Variants in SULT2B1 observed in about 807,000 individuals in gnomAD.
SULT2B1 encodes the protein sulfotransferase family 2B member 1, also known as sulfotransferase 2B1.
Under a neutral mutation model 33.2 loss-of-function variants are expected in SULT2B1, and 16 were observed. The observed-to-expected ratio is 0.48, with a 90% CI of 0.33 to 0.73. The LOEUF (loss-of-function observed/expected upper bound fraction) is 0.73. SULT2B1 is among the 30% of genes least tolerant of loss of function. The pLI, the probability that SULT2B1 is intolerant of heterozygous loss-of-function variation, is 0.02. For synonymous variants in SULT2B1, 186 were observed against 200.5 expected, an observed-to-expected ratio of 0.93 and a Z score of 0.61; for missense variants, 500 against 506.0, an observed-to-expected ratio of 0.99 and a Z score of 0.11.
chr19:48,576,240 C>T (rs1177195133), intron 2 of SULT2B1, among the ~76,000 whole-genome samples, 157 bp downstream of exon 2: 1 of 151,900 alleles, frequency 6.6e-6, no homozygotes, highest in Non-Finnish European at 1.5e-5. Context: ...CAGGGATACC[C>T]ACCCGGTGCC....
intron 1 of SULT2B1, among the ~76,000 whole-genome samples, chr19:48,556,652 T>TAA (rs747543551): frequency 2.8e-5 from 4 of 141,496 alleles, no homozygotes; most frequent in Non-Finnish European, 1.6e-5. Flanking sequence ...ATATGTGATT[T>TAA]AAAAAAAAAA....
At chr19:48,598,411 G>T (rs952111542) in intron 6 of SULT2B1, among the ~76,000 whole-genome samples, 1 of 152,100 alleles carries the variant, frequency 6.6e-6, no homozygotes, top group African/African-American at 2.4e-5. Flanking sequence ...GGCCAACATG[G>T]TTAAACGCCA....
intron 1 of SULT2B1, among the ~76,000 whole-genome samples, chr19:48,568,000 G>C (rs1002724869): frequency 6.6e-6 from 1 of 151,838 alleles, no homozygotes; most frequent in African/African-American, 2.4e-5. Context: ...AGCAGGGCAC[G>C]GTGGCTTATG....
chr19:48,571,188 T>C (rs1050123680), intron 1 of SULT2B1, among the ~76,000 whole-genome samples: 3 of 78,926 alleles, frequency 3.8e-5, no homozygotes, highest in African/African-American at 1.8e-4. Context: ...GCCTGGCTAA[T>C]TTATTTATTT....
chr19:48,590,043 G>A (rs1007682667), intron 3 of SULT2B1, among the ~76,000 whole-genome samples: 20 of 151,872 alleles, frequency 1.3e-4, no homozygotes, highest in South Asian at 4.2e-4. Context: ...GCAATGGCAC[G>A]ATCTTGGCTC....
At chr19:48,592,690 A>T (rs1275538216) in intron 4 of SULT2B1, 32 bp from the exon 5 acceptor site, 3 of 1,553,808 alleles carry the variant, frequency 1.9e-6, no homozygotes, top group Non-Finnish European at 2.6e-6. Flanking sequence ...CCCGCCACTC[A>T]GCCCTCACCC....
rs2544782 is a variant in SULT2B1, at chr19:48,587,041, G to A, written c.215-188G>A. Among the ~76,000 whole-genome samples the A allele has an allele frequency of 6.2e-3, 947 of 152,140 alleles. 6 individuals carry two copies. Among genetic ancestry groups the A allele is most frequent in the African/African-American group, 0.021 (892 of 41,506 alleles). On this transcript the variant is annotated intron_variant, in intron 2 of 6. Coordinates refer to ENST00000201586, the MANE Select transcript of SULT2B1 (RefSeq NM_177973.2). ...GCAGGAGAATTGCTTGAGCCTGGGA[G>A]GTGGAGGTTGCAGTGAGCCGAGATC... is the stretch of plus-strand genomic sequence containing the variant.
chr19:48,555,736 A>C (rs1248663354), intron 1 of SULT2B1, among the ~76,000 whole-genome samples: 3 of 150,270 alleles, frequency 2.0e-5, no homozygotes, highest in African/African-American at 7.4e-5. Context: ...CACCACACCC[A>C]GCTAATTTTT....
chr19:48,570,375 C>T (rs933607902), intron 1 of SULT2B1, among the ~76,000 whole-genome samples: 6 of 152,006 alleles, frequency 3.9e-5, no homozygotes, highest in Admixed American at 3.3e-4. Context: ...GACGGGGTTT[C>T]GCCATGTTGG....
At chr19:48,554,394 C>T (rs900174725) in intron 1 of SULT2B1, among the ~76,000 whole-genome samples, 6 of 149,968 alleles carry the variant, frequency 4.0e-5, no homozygotes, top group South Asian at 2.2e-4. Flanking sequence ...CTCCTGGCCC[C>T]GACTTCCCCC....
intron 3 of SULT2B1, among the ~76,000 whole-genome samples, chr19:48,588,407 G>C (rs1374387237): frequency 6.6e-6 from 1 of 151,670 alleles, no homozygotes; most frequent in African/African-American, 2.4e-5. Context: ...AGCTACTTGG[G>C]AGGCTGAGGC....
At chr19:48,573,739 GT>G (rs949880491) in intron 1 of SULT2B1, among the ~76,000 whole-genome samples, 5 of 152,160 alleles carry the variant, frequency 3.3e-5, no homozygotes, top group African/African-American at 1.2e-4. Flanking sequence ...TCCCAGCTCT[GT>G]TCAGCTCTTG....
At chr19:48,569,383 T>A (rs1261946946) in intron 1 of SULT2B1, among the ~76,000 whole-genome samples, 1 of 15,918 alleles carries the variant, frequency 6.3e-5, no homozygotes, top group Admixed American at 3.7e-4. Context: ...TATATATATA[T>A]ATATATATAT....
At position 48,559,282 on chromosome 19, in the gene SULT2B1, G is replaced by C. The variant is rs112400086; in HGVS notation, c.71+6959G>C. ...AGGCAGTTGTGCCTGGTGGGCCTGT[G>C]TACGGACTGGCAGAGGAAAGGTTGG... On this transcript the variant is annotated intron_variant, in intron 1 of 6. Transcript: ENST00000201586. Among the ~76,000 whole-genome samples the C allele has an allele frequency of 9.1e-3, 1,382 of 152,242 alleles. 19 individuals are homozygous for C. Among genetic ancestry groups the C allele is most frequent in the African/African-American group, 0.031 (1,286 of 41,526 alleles).
At chr19:48,560,859 G>A (rs1973167146) in intron 1 of SULT2B1, among the ~76,000 whole-genome samples, 1 of 152,076 alleles carries the variant, frequency 6.6e-6, no homozygotes, top group Non-Finnish European at 1.5e-5. Context: ...CACTTTGGGA[G>A]GCCGAGGTGG....
In SULT2B1 at chr19:48,599,292, G is replaced by A; in HGVS notation, c.984G>A (p.Glu328=). 6.2e-7 allele frequency: 1 copy of A among 1,610,370 alleles called. No individual in the cohort carries two copies. Among genetic ancestry groups the A allele is most frequent in the Non-Finnish European group, 8.5e-7 (1 of 1,178,534 alleles). The change falls in exon 7 of 7, where the codon GAG becomes GAA. Residue 328 remains glutamate, a synonymous_variant. Transcript: ENST00000201586. This position sits in a 1 kb window ranked among gnomAD's most constrained non-coding sequence, Gnocchi z 4.1. The stretch of plus-strand genomic sequence containing the variant: ...ATCCTGAGCCCAGCCCTGAGCCTGA[G>A]CCCAAGCCCAGCCTTGAGCCCAACA... ...SPDPEPSPEP[E]PKPSLEPNTS...
intron 1 of SULT2B1, among the ~76,000 whole-genome samples, chr19:48,558,679 CTT>C (rs869189397): frequency 0.011 from 1,212 of 106,048 alleles, 8 homozygotes; most frequent in African/African-American, 0.033. Context: ...CTTTTCTTTT[CTT>C]TTTTTTTTTT....
chr19:48,580,676 G>A (rs936847897), intron 2 of SULT2B1, among the ~76,000 whole-genome samples: 3 of 150,944 alleles, frequency 2.0e-5, no homozygotes, highest in Non-Finnish European at 4.4e-5. Flanking sequence ...GGTCTTGCTC[G>A]GTTGCCCAGG....
Position 48,587,279 on chromosome 19 carries a change from C to T in SULT2B1, c.265C>T (p.Pro89Ser), listed in dbSNP as rs1200141289. ...CTGCTTAATCCTGAAGGAAGGGGAT[C>T]CATCCTGGATCCGCTCCGTGCCCAT... is the stretch of plus-strand genomic sequence containing the variant. ...IICLILKEGD[P>S]SWIRSVPIWE... is the part of the protein sequence containing the mutation. Residue 89 changes from proline (P) to serine (S), a missense_variant, in exon 3 of 7, where the codon CCA becomes TCA. Transcript: ENST00000201586. 2.5e-6 allele frequency: 4 copies of T among 1,614,012 alleles called. No individual in the cohort carries two copies. The highest frequency in any genetic ancestry group is 3.4e-6 in the Non-Finnish European group (4 of 1,179,986).
Sources: gnomAD v4.1 joint callset for allele counts (sites outside exome capture counted in the v4.1 genomes callset) on GRCh38, gnomAD v4.1.1 for gene constraint, Gnocchi (gnomAD v3.1) non-coding constraint, MANE v1.5 for transcripts, NCBI Gene and HGNC (gene_info 2026-07-23, HGNC 2026-07-21) for gene names.